Variants in HIVEP3 observed in about 807,000 individuals in gnomAD.
The protein encoded by HIVEP3 is HIVEP zinc finger 3, also known as transcription factor HIVEP3.
In HIVEP3, 49 loss-of-function variants were observed where a neutral mutation model predicts 152.8. The ratio of observed to expected loss-of-function variants is 0.32; its 90% confidence interval spans 0.26 to 0.41. The LOEUF is 0.41. Among genes scored for constraint, HIVEP3 ranks in the 10% least tolerant of loss-of-function variants. The pLI is 1.00. For missense variants in HIVEP3, 2,790 were observed against 3,103.3 expected (o/e 0.90, Z 2.40); for synonymous variants, 1,269 against 1,289.0 (o/e 0.98, Z 0.33).
chr1:42,017,852 C>T (rs927727629), intron 1 of HIVEP3, among the ~76,000 whole-genome samples: 2 of 152,188 alleles, frequency 1.3e-5, no homozygotes, highest in East Asian at 1.9e-4. Flanking sequence ...TACTGCCCAA[C>T]GGTCTTCCAT....
chr1:41,827,283 C>G (rs1191351892), intron 1 of HIVEP3, among the ~76,000 whole-genome samples: 2 of 152,234 alleles, frequency 1.3e-5, no homozygotes, highest in Non-Finnish European at 2.9e-5. Context: ...ATCCTTCTGG[C>G]ATCACCTAAA....
intron 1 of HIVEP3, among the ~76,000 whole-genome samples, chr1:41,711,068 C>T (rs146184756): frequency 7.9e-5 from 12 of 152,346 alleles, no homozygotes; most frequent in East Asian, 5.8e-4. Flanking sequence ...CGCTCTGCTG[C>T]GGGCCTAGAC....
At chr1:41,886,004 C>A (rs542978802) in intron 1 of HIVEP3, among the ~76,000 whole-genome samples, 1 of 152,236 alleles carries the variant, frequency 6.6e-6, no homozygotes, top group South Asian at 2.1e-4. Flanking sequence ...CAGGGCCCTG[C>A]CAGCATGGAC....
intron 1 of HIVEP3, among the ~76,000 whole-genome samples, chr1:41,721,395 G>T (rs1193419833): frequency 6.6e-6 from 1 of 152,160 alleles, no homozygotes; most frequent in Admixed American, 6.5e-5. Context: ...TAGTGGAGAC[G>T]GGATTTCATC....
intron 1 of HIVEP3, among the ~76,000 whole-genome samples, chr1:41,998,207 T>G (rs970662901): frequency 6.6e-6 from 1 of 152,196 alleles, no homozygotes; most frequent in African/African-American, 2.4e-5. Flanking sequence ...TACTATAAAA[T>G]GAACATAATA....
At position 41,512,977 on chromosome 1, in the gene HIVEP3, G is replaced by T. The variant is rs561486493; in HGVS notation, c.6244C>A (p.Arg2082=). ...WSPGQAESPP[R]SAPPGKWALA... is the part of the protein sequence containing the mutation. ...GCCCACTTCCCTGGCGGCGCTGACCGTGGTGGTGACTCGGCCTGACCTGGA... is the reference window on the plus strand; with the variant it reads ...GCCCACTTCCCTGGCGGCGCTGACCTTGGTGGTGACTCGGCCTGACCTGGA... The change falls in exon 8 of 9, where the codon CGG becomes AGG. Residue 2082 remains arginine, a synonymous_variant. Coordinates refer to ENST00000372583, the MANE Select transcript of HIVEP3 (RefSeq NM_024503.5). 1.2e-6 allele frequency: 2 copies of T among 1,613,028 alleles called. No homozygotes were observed. The highest frequency in any genetic ancestry group is 2.2e-5 in the South Asian group (2 of 90,964).
At chr1:41,526,641 ACACCCCCACAC>A (rs1642939908) in intron 5 of HIVEP3, among the ~76,000 whole-genome samples, 1 of 30,174 alleles carries the variant, frequency 3.3e-5, no homozygotes, top group Non-Finnish European at 6.3e-5. Context: ...ACACACCCTC[ACACCCCCACAC>A]TCACACTCCC....
At chr1:41,513,996 T>C (rs1162971951) in intron 7 of HIVEP3, among the ~76,000 whole-genome samples, 3 of 152,218 alleles carry the variant, frequency 2.0e-5, no homozygotes, top group African/African-American at 7.2e-5. Flanking sequence ...TTTAGGTATA[T>C]TTATTCATTT....
chr1:41,584,832 G>C lies in HIVEP3; in HGVS notation c.-35C>G, dbSNP rs772428531. The C allele has an allele frequency of 6.8e-7, 1 of 1,464,990 alleles. No individual in the cohort carries two copies. Among genetic ancestry groups the C allele is most frequent in the Non-Finnish European group, 9.1e-7 (1 of 1,103,242 alleles). 90.7% of individuals were successfully genotyped at this position (1,464,990 alleles called of 1,614,324 possible). A position where few individuals can be genotyped will look rare whatever the true frequency, so the allele number is the denominator to read the frequency against. On this transcript the variant is annotated 5_prime_UTR_variant, in exon 4 of 9. Coordinates refer to ENST00000372583, the MANE Select transcript of HIVEP3 (RefSeq NM_024503.5). This position sits in a 1 kb window ranked among gnomAD's most constrained non-coding sequence, Gnocchi z 5.2. ...AAAGACTTCAGATGCTATTCAGGGAGAGTCAGGGCGGGCTGCATTTATGAA... is the reference window on the plus strand; with the variant it reads ...AAAGACTTCAGATGCTATTCAGGGACAGTCAGGGCGGGCTGCATTTATGAA...
chr1:41,733,233 T>G (rs1570420511), intron 1 of HIVEP3, among the ~76,000 whole-genome samples: 1 of 149,606 alleles, frequency 6.7e-6, no homozygotes, highest in Non-Finnish European at 1.5e-5. Flanking sequence ...GTGGAGGGGG[T>G]GGGGAAGATG....
intron 1 of HIVEP3, among the ~76,000 whole-genome samples, chr1:41,940,900 G>A (rs1032054603): frequency 6.6e-6 from 1 of 152,006 alleles, no homozygotes; most frequent in Non-Finnish European, 1.5e-5. Flanking sequence ...GCGGGGGAGA[G>A]AGAGAGACAG....
At chr1:41,665,707 T>TACATACACACACACACACAC in intron 2 of HIVEP3, among the ~76,000 whole-genome samples, 2 of 128,022 alleles carry the variant, frequency 1.6e-5, no homozygotes, top group South Asian at 5.6e-4. Flanking sequence ...GGAAATGTTA[T>TACATACACACACACACACAC]ACACACACAC....
Position 41,507,403 on chromosome 1 carries a change from CCT to C in HIVEP3, c.*3046_*3047del, listed in dbSNP as rs990137261. 3 of 152,342 alleles carry C rather than the reference CCT, an allele frequency of 2.0e-5. No individual in the cohort carries two copies. The highest frequency in any genetic ancestry group is 7.2e-5 in the African/African-American group (3 of 41,532). 9.4% of individuals were successfully genotyped at this position (152,342 alleles called of 1,614,324 possible). On this transcript the variant is annotated 3_prime_UTR_variant, in exon 9 of 9. Coordinates refer to ENST00000372583, the MANE Select transcript of HIVEP3 (RefSeq NM_024503.5). ...GAGTGGGGTTACTACCCAGGATGGC[CCT>C]GAGATTGCCAAGGGTGAAAGGCATC...
intron 5 of HIVEP3, among the ~76,000 whole-genome samples, chr1:41,532,107 A>G (rs1467680241): frequency 5.1e-5 from 7 of 138,140 alleles, no homozygotes; most frequent in Non-Finnish European, 9.3e-5. Context: ...GAGAGAGGAC[A>G]GGAGAGATGG....
intron 1 of HIVEP3, among the ~76,000 whole-genome samples, chr1:42,006,743 A>G (rs1177773326): frequency 6.6e-6 from 1 of 152,206 alleles, no homozygotes; most frequent in African/African-American, 2.4e-5. Context: ...ACCCGTGAGA[A>G]TGAAAATGGA....
At chr1:41,623,136 G>A (rs1024091235) in intron 3 of HIVEP3, among the ~76,000 whole-genome samples, 2 of 152,148 alleles carry the variant, frequency 1.3e-5, no homozygotes, top group East Asian at 1.9e-4. Flanking sequence ...AGATCCCTTC[G>A]AGCCTCCCTG....
intron 1 of HIVEP3, among the ~76,000 whole-genome samples, chr1:41,897,088 T>C (rs1644541726): frequency 1.3e-5 from 2 of 151,966 alleles, no homozygotes; most frequent in Non-Finnish European, 2.9e-5. Context: ...ACCACCACAG[T>C]GGTGTTTTGC....
chr1:41,795,015 AT>A (rs1375290905), intron 1 of HIVEP3, among the ~76,000 whole-genome samples: 1 of 152,052 alleles, frequency 6.6e-6, no homozygotes, highest in Non-Finnish European at 1.5e-5. Context: ...ATAACCTCAA[AT>A]GGACCTAAGA....
intron 1 of HIVEP3, among the ~76,000 whole-genome samples, chr1:41,990,465 T>C (rs1645353370): frequency 6.8e-6 from 1 of 147,556 alleles, no homozygotes; most frequent in Admixed American, 6.7e-5. Flanking sequence ...CCTAAATATA[T>C]ATGCACCCAA....
Sources: allele counts gnomAD v4.1 joint callset (sites outside exome capture counted in the v4.1 genomes callset), GRCh38; gene constraint gnomAD v4.1.1; non-coding constraint Gnocchi (gnomAD v3.1); transcripts MANE v1.5; gene names NCBI Gene and HGNC (gene_info 2026-07-23, HGNC 2026-07-21).